The following MARCHF1 variants were observed in gnomAD, a reference collection of about 807,000 sequenced individuals.
MARCHF1 encodes E3 ubiquitin-protein ligase MARCHF1.
A neutral mutation model predicts 54.2 loss-of-function variants in MARCHF1; 40 were observed. The observed-to-expected ratio is 0.74, with a 90% CI of 0.57 to 0.96. The LOEUF (loss-of-function observed/expected upper bound fraction) is 0.96, where lower values mean the gene tolerates loss of function less well. Among genes scored for constraint, MARCHF1 ranks in the 40% least tolerant of loss-of-function variants. MARCHF1 has a pLI of 0.00. For synonymous variants in MARCHF1, 236 were observed against 236.3 expected (o/e 1.00, Z 0.01); for missense variants, 586 against 656.5 (o/e 0.89, Z 1.17).
chr4:164,001,811 A>G (rs964280312), intron 2 of MARCHF1, among the ~76,000 whole-genome samples: 12 of 151,900 alleles, frequency 7.9e-5, no homozygotes, highest in Admixed American at 1.3e-4. Context: ...TAAAATCCGT[A>G]TAACTGTCCC....
chr4:164,376,818 G>A (rs1282741979), intron 1 of MARCHF1, among the ~76,000 whole-genome samples: 1 of 152,172 alleles, frequency 6.6e-6, no homozygotes, highest in Non-Finnish European at 1.5e-5. Flanking sequence ...GCACAACTGA[G>A]TCAAAGGCTG....
intron 4 of MARCHF1, among the ~76,000 whole-genome samples, chr4:163,838,655 C>T (rs1749257871): frequency 6.6e-6 from 1 of 152,066 alleles, no homozygotes; most frequent in Non-Finnish European, 1.5e-5. Flanking sequence ...TTGAACTGAA[C>T]TGTCTTCCAA....
At chr4:163,732,422 T>C (rs975559187) in intron 4 of MARCHF1, among the ~76,000 whole-genome samples, 10 of 152,052 alleles carry the variant, frequency 6.6e-5, no homozygotes, top group East Asian at 1.9e-4. Flanking sequence ...CAATTATATA[T>C]GTAATCAGAA....
At chr4:164,199,497 G>T (rs552005315) in intron 1 of MARCHF1, among the ~76,000 whole-genome samples, 15 of 151,952 alleles carry the variant, frequency 9.9e-5, no homozygotes, top group Non-Finnish European at 2.1e-4. Context: ...ACAAAAGTTA[G>T]CCAGCTGTTG....
intron 3 of MARCHF1, among the ~76,000 whole-genome samples, chr4:163,883,347 A>ATT (rs11398171): frequency 0.42 from 58,157 of 138,152 alleles, 13,164 homozygotes; most frequent in South Asian, 0.51. Flanking sequence ...CTACGGATGT[A>ATT]TTTTTTTTTT....
chr4:164,109,556 G>A (rs1287618372), intron 2 of MARCHF1, among the ~76,000 whole-genome samples: 1 of 151,566 alleles, frequency 6.6e-6, no homozygotes, highest in African/African-American at 2.4e-5. Flanking sequence ...TCAGAGACAT[G>A]ATTACTGAAA....
chr4:163,944,001 T>C (rs1012970719), intron 3 of MARCHF1, among the ~76,000 whole-genome samples: 4 of 152,198 alleles, frequency 2.6e-5, no homozygotes, highest in Middle Eastern at 3.4e-3. Context: ...TGAGTCTTGC[T>C]CTATCACCCA....
At chr4:164,070,402 A>C (rs1178986957) in intron 2 of MARCHF1, among the ~76,000 whole-genome samples, 1 of 152,188 alleles carries the variant, frequency 6.6e-6, no homozygotes, top group African/African-American at 2.4e-5. Context: ...ATTTAAAAGG[A>C]TCCTTACCTA....
intron 5 of MARCHF1, among the ~76,000 whole-genome samples, chr4:163,660,176 G>A (rs569932165): frequency 6.6e-6 from 1 of 152,088 alleles, no homozygotes; most frequent in African/African-American, 2.4e-5. Flanking sequence ...ATGATAGACT[G>A]GATAAAGAAA....
rs111543646 is a variant in MARCHF1, at chr4:164,013,005, C to A, written c.-247-24296G>T. On this transcript the variant is annotated intron_variant, in intron 2 of 9. Transcript: ENST00000514618. ...AGACATCAGTGAATGCCCTCAAGCA[C>A]CAAGAACACTCAGGAAAACATGACC... Among the ~76,000 whole-genome samples, 400 of 152,190 alleles carry A rather than the reference C, an allele frequency of 2.6e-3. 1 individual carries two copies. Among genetic ancestry groups the A allele is most frequent in the Non-Finnish European group, 4.5e-3 (305 of 68,010 alleles).
chr4:164,276,934 C>CTATATATATCTATA (rs1553997972), intron 1 of MARCHF1, among the ~76,000 whole-genome samples: 4 of 115,422 alleles, frequency 3.5e-5, no homozygotes, highest in African/African-American at 1.3e-4. Flanking sequence ...GTCTCATATT[C>CTATATATATCTATA]TATATATATA....
In MARCHF1 at chr4:164,377,869, G is replaced by A. The variant is rs1876050; in HGVS notation, c.-323+6001C>T. ...CGTTTTATACCACTTCTAAAAATAC[G>A]TTTGGAGTTAGCTGTATTGCGTAGG... is the stretch of plus-strand genomic sequence containing the variant. On this transcript the variant is annotated intron_variant, in intron 1 of 9. Transcript: ENST00000514618. Among the ~76,000 whole-genome samples, 1,227 of 152,248 alleles carry A rather than the reference G, an allele frequency of 8.1e-3. 11 individuals carry two copies. Among genetic ancestry groups the A allele is most frequent in the African/African-American group, 0.028 (1,157 of 41,546 alleles).
At chr4:164,046,359 G>C (rs573666039) in intron 2 of MARCHF1, among the ~76,000 whole-genome samples, 2 of 152,182 alleles carry the variant, frequency 1.3e-5, no homozygotes, top group African/African-American at 4.8e-5. Context: ...AATATGAGCA[G>C]AAACACAAAA....
intron 4 of MARCHF1, among the ~76,000 whole-genome samples, chr4:163,841,276 A>C (rs1408986884): frequency 2.6e-5 from 4 of 152,002 alleles, no homozygotes; most frequent in Non-Finnish European, 5.9e-5. Flanking sequence ...ATAGACTTTG[A>C]GTGATTATGA....
intron 3 of MARCHF1, among the ~76,000 whole-genome samples, chr4:163,970,391 C>T (rs2110836960): frequency 6.6e-6 from 1 of 152,258 alleles, no homozygotes; most frequent in African/African-American, 2.4e-5. Flanking sequence ...CCGAGTCATC[C>T]ATTAACTCTT....
intron 7 of MARCHF1, among the ~76,000 whole-genome samples, chr4:163,596,236 T>C (rs572340184): frequency 5.9e-5 from 9 of 152,204 alleles, no homozygotes; most frequent in Non-Finnish European, 1.0e-4. Context: ...TCCTGGAGGA[T>C]AGACGCTCAA....
chr4:164,114,511 A>T lies in MARCHF1; in HGVS notation c.-322-2849T>A, dbSNP rs530987567. Among the ~76,000 whole-genome samples the T allele has an allele frequency of 6.6e-5, 10 of 151,848 alleles. No homozygotes were observed. In the South Asian group the frequency reaches 1.7e-3, roughly 25 times the overall value. On this transcript the variant is annotated intron_variant, in intron 1 of 9. Transcript: ENST00000514618. ...ATGACCCATTCTTTAAATGACAGGA[A>T]TTGTTAATATTTAGTGCAGAAATTT...
intron 2 of MARCHF1, among the ~76,000 whole-genome samples, chr4:164,052,388 T>A (rs1008634542): frequency 1.3e-5 from 2 of 151,922 alleles, no homozygotes; most frequent in African/African-American, 2.4e-5. Flanking sequence ...AAAAATTAGC[T>A]GGGCGTGGTG....
chr4:164,245,190 A>T (rs1254172145), intron 1 of MARCHF1, among the ~76,000 whole-genome samples: 1 of 152,240 alleles, frequency 6.6e-6, no homozygotes, highest in Admixed American at 6.5e-5. Flanking sequence ...CTTGATGAAC[A>T]TTGATGCAAA....
Sources: allele counts gnomAD v4.1 joint callset (sites outside exome capture counted in the v4.1 genomes callset), GRCh38; gene constraint gnomAD v4.1.1; transcripts MANE v1.5; gene names NCBI Gene and HGNC (gene_info 2026-07-23, HGNC 2026-07-21).